RWDD2B: variants seen among roughly 807,000 people sequenced by gnomAD.
RWDD2B encodes RWD domain-containing protein 2B.
A neutral mutation model predicts 33.6 loss-of-function variants in RWDD2B; 36 were observed. That is an observed-to-expected ratio of 1.07 (90% CI 0.82 to 1.42). RWDD2B has a LOEUF of 1.42. Among genes scored for constraint, RWDD2B ranks in the 40% most tolerant of loss-of-function variants. RWDD2B has a pLI of 0.00. For missense variants in RWDD2B, 364 were observed against 377.5 expected, an observed-to-expected ratio of 0.96 and a Z score of 0.30; for synonymous variants, 126 against 133.1, an observed-to-expected ratio of 0.95 and a Z score of 0.37.
rs1376894905 is a variant in RWDD2B at position 29,006,252 on chromosome 21, T to C, written c.*165A>G. ...TGAAACTCAGTTCTGCTTTCAATCA[T>C]GACATTTTTAACAGATGCATTTCAG... is the stretch of plus-strand genomic sequence containing the variant. On this transcript the variant is annotated 3_prime_UTR_variant, in exon 5 of 5. Transcript: ENST00000493196. 12 of 501,812 alleles carry C rather than the reference T, an allele frequency of 2.4e-5. No individual in the cohort carries two copies. In the East Asian group the frequency reaches 2.9e-4, roughly 12 times the overall value. The allele number at this position is 501,812 out of a possible 1,614,324, so 31.1% of individuals were successfully genotyped here.
rs2084835010 is a variant in RWDD2B at position 29,007,669 on chromosome 21, G to A, written c.725+92C>T. 3.5e-6 allele frequency: 5 copies of A among 1,421,608 alleles called. No homozygotes were observed. The Admixed American group carries it at 8.4e-5, about 24-fold the overall frequency. 88.1% of individuals were successfully genotyped at this position (1,421,608 alleles called of 1,614,324 possible). A position where few individuals can be genotyped will look rare whatever the true frequency, so the allele number is the denominator to read the frequency against. On this transcript the variant is annotated intron_variant, in intron 4 of 4. Coordinates refer to ENST00000493196, the MANE Select transcript of RWDD2B (RefSeq NM_016940.3). ...ATCACTGTTTTATGTGTTGTCCACT[G>A]TTGACCAAAACGTCACTAGGCAGCA...
chr21:29,015,878 C>A (rs191008305), intron 1 of RWDD2B, among the ~76,000 whole-genome samples: 1 of 152,066 alleles, frequency 6.6e-6, no homozygotes, highest in Admixed American at 6.6e-5. Flanking sequence ...CCTAATTAGG[C>A]GAGAGACTAT....
chr21:29,007,086 G>A (rs1379627324), intron 4 of RWDD2B, among the ~76,000 whole-genome samples: 1 of 152,172 alleles, frequency 6.6e-6, no homozygotes, highest in Non-Finnish European at 1.5e-5. Flanking sequence ...AATTCATTTA[G>A]TATATCAGTA....
chr21:29,014,919 C>G (rs1030538055), intron 1 of RWDD2B, among the ~76,000 whole-genome samples: 1 of 151,852 alleles, frequency 6.6e-6, no homozygotes, highest in Non-Finnish European at 1.5e-5. Context: ...GTTTAGAGAA[C>G]CTATTTTAAC....
intron 1 of RWDD2B, among the ~76,000 whole-genome samples, chr21:29,011,966 A>C (rs1247180532): frequency 1.7e-5 from 2 of 119,886 alleles, no homozygotes; most frequent in East Asian, 5.3e-4. Context: ...CGACCCGGCC[A>C]GCCGCGCCGT....
At position 29,008,319 on chromosome 21, in the gene RWDD2B, G is replaced by A; in HGVS notation, c.295-12C>T. 1.2e-6 allele frequency: 2 copies of A among 1,613,988 alleles called. No homozygotes were observed. Among genetic ancestry groups the A allele is most frequent in the Non-Finnish European group, 1.7e-6 (2 of 1,179,870 alleles). ...AGAGAAAACATCGCCTGATTAAAGA[G>A]AAGAAGAAAAAGTGCACTAACCAAT... On this transcript the variant is annotated splice_polypyrimidine_tract_variant and intron_variant, in intron 2 of 4. Coordinates refer to ENST00000493196, the MANE Select transcript of RWDD2B (RefSeq NM_016940.3).
chr21:29,007,998 G>C lies in RWDD2B; in HGVS notation c.488C>G (p.Ser163Cys). 5.6e-6 allele frequency: 9 copies of C among 1,614,252 alleles called. No individual in the cohort carries two copies. The highest frequency in any genetic ancestry group is 7.6e-6 in the Non-Finnish European group (9 of 1,180,058). ...TGAAGTATCTCTGCTGACATAGCCA[G>C]AGGCGTGTTCTCTAACCCACTCTGT... ...NATEWVREHASGYVSRDTSSS... is the reference protein window; with the variant it reads ...NATEWVREHACGYVSRDTSSS... The change falls in exon 4 of 5, where the codon TCT (serine) becomes TGT (cysteine). Residue 163 changes from serine (S) to cysteine (C), a missense_variant. Physicochemically the swap from Ser to Cys is moderately radical, Grantham distance 112 (BLOSUM62 -1). Transcript: ENST00000493196.
chr21:29,016,318 G>A (rs1274180639), intron 1 of RWDD2B, among the ~76,000 whole-genome samples: 2 of 151,998 alleles, frequency 1.3e-5, no homozygotes, highest in African/African-American at 2.4e-5. Flanking sequence ...AGGCTGGAGT[G>A]AAATGGTGCA....
chr21:29,011,080 C>G (rs1235361626), intron 1 of RWDD2B, among the ~76,000 whole-genome samples: 1 of 152,082 alleles, frequency 6.6e-6, no homozygotes, highest in Non-Finnish European at 1.5e-5. Context: ...AGCCTCTGCC[C>G]GGCCGCCACC....
In RWDD2B at chr21:29,016,773, C is replaced by T. The variant is rs755342294; in HGVS notation, c.67+2438G>A. On this transcript the variant is annotated intron_variant, in intron 1 of 4. Coordinates refer to ENST00000493196, the MANE Select transcript of RWDD2B (RefSeq NM_016940.3). ...ATTCTATTACCAGATTGCCAAGGTG[C>T]GACTCCTGGCTCTGCCACTTACCAA... Among the ~76,000 whole-genome samples the T allele has an allele frequency of 7.2e-5, 11 of 152,156 alleles. 1 individual carries two copies. Among genetic ancestry groups the T allele is most frequent in the Non-Finnish European group, 8.8e-5 (6 of 67,996 alleles).
chr21:29,008,018 C>T lies in RWDD2B; in HGVS notation c.468G>A (p.Glu156=), dbSNP rs1262617661. 9.9e-6 allele frequency: 16 copies of T among 1,614,240 alleles called. No individual in the cohort carries two copies. Among genetic ancestry groups the T allele is most frequent in the Non-Finnish European group, 1.3e-5 (15 of 1,180,044 alleles). ...HGDVCILNAT[E]WVREHASGYV... is the part of the protein sequence containing the mutation. ...AGCCAGAGGCGTGTTCTCTAACCCA[C>T]TCTGTGGCATTCAGTATACAAACAT... is the stretch of plus-strand genomic sequence containing the variant. The change falls in exon 4 of 5, where the codon GAG becomes GAA. Residue 156 remains glutamate (E), a synonymous_variant. Coordinates refer to ENST00000493196, the MANE Select transcript of RWDD2B (RefSeq NM_016940.3).
At chr21:29,015,679 G>A (rs1290876100) in intron 1 of RWDD2B, among the ~76,000 whole-genome samples, 3 of 150,988 alleles carry the variant, frequency 2.0e-5, no homozygotes, top group Non-Finnish European at 4.4e-5. Context: ...ACAGGTGTTC[G>A]CCACCACGCC....
chr21:29,017,092 C>A (rs1044570378), intron 1 of RWDD2B, among the ~76,000 whole-genome samples: 1 of 151,132 alleles, frequency 6.6e-6, no homozygotes, highest in Non-Finnish European at 1.5e-5. Context: ...AGGCTGGTCT[C>A]GAACTCCTGC....
At position 29,019,077 on chromosome 21, in the gene RWDD2B, C is replaced by T; in HGVS notation, c.67+134G>A. On this transcript the variant is annotated intron_variant, in intron 1 of 4. Coordinates refer to ENST00000493196, the MANE Select transcript of RWDD2B (RefSeq NM_016940.3). Reference sequence around the variant, plus strand: ...CGGGAAGCAACGCCGAGGACCGAGCCGACCGATGGGCGCATGCAGTGAGGG... The same window carrying T: ...CGGGAAGCAACGCCGAGGACCGAGCTGACCGATGGGCGCATGCAGTGAGGG... The T allele has an allele frequency of 4.2e-6, 3 of 708,882 alleles. No individual in the cohort carries two copies. The South Asian group carries it at 5.3e-5, about 13-fold the overall frequency. The allele number at this position is 708,882 out of a possible 1,614,324, so 43.9% of individuals were successfully genotyped here. A position where few individuals can be genotyped will look rare whatever the true frequency, so the allele number is the denominator to read the frequency against.
At chr21:29,016,258 G>A (rs889115019) in intron 1 of RWDD2B, among the ~76,000 whole-genome samples, 2 of 150,802 alleles carry the variant, frequency 1.3e-5, no homozygotes, top group Admixed American at 6.6e-5. Flanking sequence ...TTTTTTTTCC[G>A]ATTTTTTATT....
Position 29,008,120 on chromosome 21 carries a change from T to G in RWDD2B, c.366A>C (p.Ser122=). The change falls in exon 4 of 5, where the codon TCA becomes TCC. Residue 122 remains serine, a synonymous_variant. Coordinates refer to ENST00000493196, the MANE Select transcript of RWDD2B (RefSeq NM_016940.3). ...TCTGCTGGGATCTACTCAATAATAC[T>G]GATCTAATAGAAAAGATACAAGAAA... is the stretch of plus-strand genomic sequence containing the variant. ...PAVLPEITVR[S]VLLSRSQQTQ... The G allele has an allele frequency of 6.2e-7, 1 of 1,612,098 alleles. No homozygotes were observed. The highest frequency in any genetic ancestry group is 8.5e-7 in the Non-Finnish European group (1 of 1,178,986).
intron 1 of RWDD2B, among the ~76,000 whole-genome samples, chr21:29,010,125 T>C (rs2084849362): frequency 6.6e-6 from 1 of 152,180 alleles, no homozygotes; most frequent in African/African-American, 2.4e-5. Context: ...TTTATATATA[T>C]AGTATGGTAA....
rs2297252 is a variant in RWDD2B, at chr21:29,004,783, G to A, written c.*1634C>T. 57,464 of 152,138 alleles carry A rather than the reference G, an allele frequency of 0.38. 12,113 individuals carry two copies. The highest frequency in any genetic ancestry group is 0.52 in the South Asian group (2,487 of 4,828). The allele number at this position is 152,138 out of a possible 1,614,324, so 9.4% of individuals were successfully genotyped here. A position where few individuals can be genotyped will look rare whatever the true frequency, so the allele number is the denominator to read the frequency against. ...AAATACCATTCTGATTCTCATTTAT[G>A]TTTAACCACCTTTATATTTAAGATC... On this transcript the variant is annotated 3_prime_UTR_variant, in exon 5 of 5. Coordinates refer to ENST00000493196, the MANE Select transcript of RWDD2B (RefSeq NM_016940.3).
chr21:29,006,691 T>C, intron 4 of RWDD2B, 40 bp from the exon 5 acceptor site: 1 of 1,189,522 alleles, frequency 8.4e-7, no homozygotes, highest in Non-Finnish European at 1.2e-6. Context: ...TCAAAATGTA[T>C]ATTCTAGAGC....
Sources: allele counts gnomAD v4.1 joint callset (sites outside exome capture counted in the v4.1 genomes callset), GRCh38; gene constraint gnomAD v4.1.1; transcripts MANE v1.5; gene names NCBI Gene and HGNC (gene_info 2026-07-23, HGNC 2026-07-21).